Variants in IMMP2L observed in about 807,000 individuals in gnomAD.
IMMP2L encodes the protein inner mitochondrial membrane peptidase subunit 2, also known as mitochondrial inner membrane protease subunit 2.
IMMP2L carries 18 observed loss-of-function variants against 19.3 expected under a neutral mutation model. The ratio of observed to expected loss-of-function variants is 0.93; its 90% CI spans 0.64 to 1.38. IMMP2L has a LOEUF of 1.38. IMMP2L is among the 40% of genes most tolerant of loss of function. The pLI, the probability that IMMP2L is intolerant of heterozygous loss-of-function variation, is 0.00. For missense variants in IMMP2L, 233 were observed against 218.2 expected (o/e 1.07, Z -0.43); for synonymous variants, 76 against 73.0 (o/e 1.04, Z -0.21).
chr7:111,340,114 G>C (rs1158384358), intron 3 of IMMP2L, among the ~76,000 whole-genome samples: 3 of 151,746 alleles, frequency 2.0e-5, no homozygotes, highest in Non-Finnish European at 4.4e-5. Context: ...AAAGTTATTG[G>C]GTATCAAATG....
At chr7:111,280,171 C>A (rs1398783459) in intron 3 of IMMP2L, among the ~76,000 whole-genome samples, 2 of 152,166 alleles carry the variant, frequency 1.3e-5, no homozygotes, top group Non-Finnish European at 2.9e-5. Context: ...TCTCATTATT[C>A]TCATCCATCA....
intron 1 of IMMP2L, among the ~76,000 whole-genome samples, chr7:111,547,370 C>T (rs975592355): frequency 9.9e-5 from 15 of 151,936 alleles, no homozygotes; most frequent in African/African-American, 3.4e-4. Context: ...AAGATGAGAC[C>T]TCTAATAATA....
chr7:110,775,836 C>G (rs796826317), intron 5 of IMMP2L, among the ~76,000 whole-genome samples: 33 of 151,660 alleles, frequency 2.2e-4, no homozygotes, highest in African/African-American at 7.0e-4. Flanking sequence ...TGTTCTTAAA[C>G]AGGAAGCTGT....
At chr7:110,906,983 G>A (rs926718192) in intron 4 of IMMP2L, among the ~76,000 whole-genome samples, 2 of 152,042 alleles carry the variant, frequency 1.3e-5, no homozygotes, top group African/African-American at 4.8e-5. Context: ...CAGGAGCTGG[G>A]GTGAGTACTT....
chr7:111,529,634 T>A (rs1847207654), intron 1 of IMMP2L, among the ~76,000 whole-genome samples: 1 of 152,132 alleles, frequency 6.6e-6, no homozygotes. Flanking sequence ...AGGAGAAATG[T>A]AATTATGTAA....
At chr7:111,535,157 G>A (rs1198059961) in intron 1 of IMMP2L, among the ~76,000 whole-genome samples, 4 of 151,948 alleles carry the variant, frequency 2.6e-5, no homozygotes, top group African/African-American at 9.7e-5. Context: ...AAAATTTTAT[G>A]GTTTAATTTT....
intron 3 of IMMP2L, among the ~76,000 whole-genome samples, chr7:111,190,955 G>A (rs920597050): frequency 6.6e-6 from 1 of 152,062 alleles, no homozygotes; most frequent in African/African-American, 2.4e-5. Flanking sequence ...TAAAAAGCCT[G>A]ACCCATAGCA....
intron 3 of IMMP2L, among the ~76,000 whole-genome samples, chr7:111,055,366 G>A (rs1361135962): frequency 6.6e-6 from 1 of 152,176 alleles, no homozygotes; most frequent in East Asian, 1.9e-4. Flanking sequence ...TCTGAACGTG[G>A]TTCTACACCT....
In IMMP2L at chr7:110,902,009, GAC is replaced by G. The variant is rs527630870; in HGVS notation, c.306-15316_306-15315del. On this transcript the variant is annotated intron_variant, in intron 4 of 5. Transcript: ENST00000405709. ...ATATGAAAGATAAACATTATTGAAA[GAC>G]ACAGTATTTGGATTTGCCACAAGTT... Among the ~76,000 whole-genome samples the G allele has an allele frequency of 1.2e-4, 18 of 152,130 alleles. No homozygotes were observed. In the East Asian group the frequency reaches 3.3e-3, roughly 28 times the overall value.
At chr7:111,505,780 T>C (rs898955721) in intron 2 of IMMP2L, among the ~76,000 whole-genome samples, 2 of 146,470 alleles carry the variant, frequency 1.4e-5, no homozygotes, top group African/African-American at 5.1e-5. Flanking sequence ...TGAGAACACA[T>C]GGACACAGGA....
At chr7:111,262,762 C>CTG (rs778340329) in intron 3 of IMMP2L, among the ~76,000 whole-genome samples, 5 of 152,166 alleles carry the variant, frequency 3.3e-5, no homozygotes, top group Admixed American at 6.5e-5. Flanking sequence ...ATCCCATGAA[C>CTG]ATCATATGGA....
intron 5 of IMMP2L, among the ~76,000 whole-genome samples, chr7:110,810,219 A>T (rs575022798): frequency 2.0e-5 from 3 of 152,160 alleles, no homozygotes; most frequent in African/African-American, 7.2e-5. Context: ...CATTTAATTC[A>T]TTTATCAATA....
intron 2 of IMMP2L, among the ~76,000 whole-genome samples, chr7:111,518,704 G>A (rs995865083): frequency 6.6e-6 from 1 of 151,984 alleles, no homozygotes; most frequent in Non-Finnish European, 1.5e-5. Context: ...TATAATTTCT[G>A]CTCTTAAAGA....
chr7:111,239,070 G>C (rs923791361), intron 3 of IMMP2L, among the ~76,000 whole-genome samples: 7 of 151,952 alleles, frequency 4.6e-5, no homozygotes, highest in African/African-American at 1.7e-4. Context: ...GCCCCACTCT[G>C]AATAGGACAT....
intron 3 of IMMP2L, among the ~76,000 whole-genome samples, chr7:111,009,611 T>C (rs1824708521): frequency 6.6e-6 from 1 of 152,118 alleles, no homozygotes; most frequent in South Asian, 2.1e-4. Flanking sequence ...AATTTTGACA[T>C]ACTGAAAATG....
chr7:111,143,170 CAAT>C (rs1180747566), intron 3 of IMMP2L, among the ~76,000 whole-genome samples: 2 of 151,940 alleles, frequency 1.3e-5, no homozygotes, highest in East Asian at 3.9e-4. Context: ...TTTTATTACA[CAAT>C]GAGAAGAAAA....
At chr7:111,437,209 G>T (rs2089953913) in intron 3 of IMMP2L, among the ~76,000 whole-genome samples, 1 of 151,714 alleles carries the variant, frequency 6.6e-6, no homozygotes, top group Non-Finnish European at 1.5e-5. Context: ...ACTTTGGGAG[G>T]CCAAGGCGGG....
chr7:110,836,848 G>T (rs1039730885), intron 5 of IMMP2L, among the ~76,000 whole-genome samples: 4 of 152,126 alleles, frequency 2.6e-5, no homozygotes, highest in African/African-American at 7.2e-5. Flanking sequence ...CAATTTTAAA[G>T]ACTGATAAAT....
chr7:111,130,149 A>T (rs1801708749), intron 3 of IMMP2L, among the ~76,000 whole-genome samples: 1 of 152,154 alleles, frequency 6.6e-6, no homozygotes, highest in Non-Finnish European at 1.5e-5. Context: ...CTCCTAGCTC[A>T]TCTTTGAAAT....
Sources: allele counts gnomAD v4.1 joint callset (sites outside exome capture counted in the v4.1 genomes callset), GRCh38; gene constraint gnomAD v4.1.1; transcripts MANE v1.5; gene names NCBI Gene and HGNC (gene_info 2026-07-23, HGNC 2026-07-21).